Variants in LYPD6B observed in about 807,000 individuals in gnomAD.
The protein encoded by LYPD6B is ly6/PLAUR domain-containing protein 6B.
Under a neutral mutation model 22.8 loss-of-function variants are expected in LYPD6B, and 17 were observed. That is an observed-to-expected ratio of 0.75 (90% CI 0.51 to 1.12). The LOEUF (loss-of-function observed/expected upper bound fraction) is 1.12. LYPD6B is among the 50% of genes most tolerant of loss of function. The pLI is 0.00. For synonymous variants in LYPD6B, 106 were observed against 91.6 expected (o/e 1.16, Z -0.90); for missense variants, 221 against 258.3 (o/e 0.86, Z 0.99).
At chr2:149,067,900 A>T (rs904196709) in intron 1 of LYPD6B, among the ~76,000 whole-genome samples, 1 of 152,172 alleles carries the variant, frequency 6.6e-6, no homozygotes, top group Non-Finnish European at 1.5e-5. Flanking sequence ...AGGGTAGAAA[A>T]GCTTTTGCTT....
At chr2:149,114,334 T>G (rs970681268) in intron 1 of LYPD6B, among the ~76,000 whole-genome samples, 2 of 152,210 alleles carry the variant, frequency 1.3e-5, no homozygotes, top group Non-Finnish European at 2.9e-5. Flanking sequence ...ACATTTCTTT[T>G]GGAAAAGTGT....
At chr2:149,051,993 A>T (rs1683583857) in intron 1 of LYPD6B, among the ~76,000 whole-genome samples, 2 of 152,094 alleles carry the variant, frequency 1.3e-5, no homozygotes, top group African/African-American at 2.4e-5. Flanking sequence ...GAAAGCATGA[A>T]CTAATTTATT....
At chr2:149,070,768 G>A (rs1285894867) in intron 1 of LYPD6B, among the ~76,000 whole-genome samples, 1 of 152,206 alleles carries the variant, frequency 6.6e-6, no homozygotes, top group Middle Eastern at 3.2e-3. Context: ...ATCATAGGAA[G>A]TAAACTCTCA....
chr2:149,134,781 G>A (rs968519807), intron 2 of LYPD6B, among the ~76,000 whole-genome samples: 5 of 152,202 alleles, frequency 3.3e-5, no homozygotes, highest in Non-Finnish European at 5.9e-5. Context: ...GTCAATCACT[G>A]TCTACCAGCC....
chr2:149,153,312 G>A (rs1430771807), intron 2 of LYPD6B, among the ~76,000 whole-genome samples: 2 of 152,126 alleles, frequency 1.3e-5, no homozygotes, highest in Non-Finnish European at 2.9e-5. Context: ...AATAAGCTTG[G>A]GAGAGGGATT....
rs1376506555 is a variant in LYPD6B, at chr2:149,187,685, C to T, written c.78-17568C>T. The T allele has an allele frequency of 1.6e-5, 8 of 505,536 alleles. No homozygotes were observed. In the Admixed American group the frequency reaches 2.0e-4, roughly 13 times the overall value. 31.3% of individuals were successfully genotyped at this position (505,536 alleles called of 1,614,324 possible). ...TCTGTGGGCCACATTAGAAGAAGAGCTATCTTGGACCACACATAAAATACG... is the reference window on the plus strand; with the variant it reads ...TCTGTGGGCCACATTAGAAGAAGAGTTATCTTGGACCACACATAAAATACG... On this transcript the variant is annotated intron_variant, in intron 3 of 6. Coordinates refer to ENST00000409642, the MANE Select transcript of LYPD6B (RefSeq NM_177964.5).
intron 1 of LYPD6B, among the ~76,000 whole-genome samples, chr2:149,053,744 C>T (rs1683667355): frequency 1.3e-5 from 2 of 152,194 alleles, no homozygotes; most frequent in South Asian, 4.1e-4. Flanking sequence ...CCTGTTCCCA[C>T]CTCCCCCCAT....
chr2:149,139,190 C>T (rs562440905), intron 2 of LYPD6B, among the ~76,000 whole-genome samples: 17 of 152,276 alleles, frequency 1.1e-4, no homozygotes, highest in African/African-American at 4.1e-4. Context: ...CCTCCTGGAG[C>T]CCCTATGCTT....
chr2:149,062,252 G>T (rs1684121992), intron 1 of LYPD6B, among the ~76,000 whole-genome samples: 1 of 152,320 alleles, frequency 6.6e-6, no homozygotes, highest in Middle Eastern at 3.4e-3. Flanking sequence ...CTCCCAAAGT[G>T]CTGGGATTAC....
At chr2:149,122,349 C>T (rs1486515764) in intron 1 of LYPD6B, among the ~76,000 whole-genome samples, 1 of 152,068 alleles carries the variant, frequency 6.6e-6, no homozygotes, top group Non-Finnish European at 1.5e-5. Flanking sequence ...TAACCCCACC[C>T]CTCCAGGTTT....
chr2:149,110,080 G>A (rs933687194), intron 1 of LYPD6B, among the ~76,000 whole-genome samples: 1 of 152,038 alleles, frequency 6.6e-6, no homozygotes, highest in Non-Finnish European at 1.5e-5. Flanking sequence ...TGACTATATT[G>A]TGAAGTCATC....
chr2:149,041,723 G>T (rs1683097319), intron 1 of LYPD6B, among the ~76,000 whole-genome samples: 1 of 152,182 alleles, frequency 6.6e-6, no homozygotes, highest in Admixed American at 6.5e-5. Flanking sequence ...TGCCTAGGGT[G>T]TGGCTGAGGG....
At chr2:149,065,133 T>C (rs1179415003) in intron 1 of LYPD6B, among the ~76,000 whole-genome samples, 2 of 152,236 alleles carry the variant, frequency 1.3e-5, no homozygotes, top group African/African-American at 4.8e-5. Flanking sequence ...ATGAAGTGTA[T>C]GTCTGCCTTC....
chr2:149,084,302 T>A (rs1419386670), intron 1 of LYPD6B, among the ~76,000 whole-genome samples: 1 of 152,220 alleles, frequency 6.6e-6, no homozygotes, highest in African/African-American at 2.4e-5. Flanking sequence ...TCCTTCTACC[T>A]TGAGTTACTG....
chr2:149,159,528 A>G (rs1308131597), intron 2 of LYPD6B, among the ~76,000 whole-genome samples: 1 of 151,988 alleles, frequency 6.6e-6, no homozygotes, highest in Non-Finnish European at 1.5e-5. Flanking sequence ...TTGAAATTAG[A>G]TGGCATACTA....
intron 3 of LYPD6B, among the ~76,000 whole-genome samples, chr2:149,203,467 A>G (rs1693306985): frequency 6.6e-6 from 1 of 152,238 alleles, no homozygotes; most frequent in Non-Finnish European, 1.5e-5. Flanking sequence ...TAGGAGAAGC[A>G]GAATCTGTAT....
intron 3 of LYPD6B, among the ~76,000 whole-genome samples, chr2:149,188,412 G>C (rs1692268545): frequency 6.6e-6 from 1 of 152,110 alleles, no homozygotes; most frequent in African/African-American, 2.4e-5. Context: ...GTCTTCCTCT[G>C]CTCCCATGTT....
chr2:149,108,991 T>A (rs1308071644), intron 1 of LYPD6B, among the ~76,000 whole-genome samples: 1 of 152,182 alleles, frequency 6.6e-6, no homozygotes, highest in Non-Finnish European at 1.5e-5. Context: ...TACTATTTTT[T>A]GTCATCATAT....
chr2:149,060,848 A>C (rs1228636671), intron 1 of LYPD6B, among the ~76,000 whole-genome samples: 3 of 152,150 alleles, frequency 2.0e-5, no homozygotes, highest in Admixed American at 2.0e-4. Context: ...GCTGCATTTA[A>C]TGTCTCCTGA....
Sources: gnomAD v4.1 joint callset for allele counts (sites outside exome capture counted in the v4.1 genomes callset) on GRCh38, gnomAD v4.1.1 for gene constraint, MANE v1.5 for transcripts, NCBI Gene and HGNC (gene_info 2026-07-23, HGNC 2026-07-21) for gene names.